The following PPP1CB variants were observed in gnomAD, a reference collection of about 807,000 sequenced individuals.
PPP1CB encodes the protein serine/threonine-protein phosphatase PP1-beta catalytic subunit.
PPP1CB carries 2 observed loss-of-function variants against 43.7 expected under a neutral mutation model. The ratio of observed to expected loss-of-function variants is 0.05; its 90% CI spans 0.02 to 0.14. PPP1CB has a LOEUF of 0.14. PPP1CB is among the 10% of genes least tolerant of loss of function. PPP1CB has a pLI of 1.00. For missense variants in PPP1CB, 84 were observed against 398.0 expected (o/e 0.21, Z 6.71); for synonymous variants, 136 against 135.6 (o/e 1.00, Z -0.02).
At chr2:28,789,592 GATTTTT>G (rs1385155666) in intron 6 of PPP1CB, among the ~76,000 whole-genome samples, 1 of 131,166 alleles carries the variant, frequency 7.6e-6, no homozygotes, top group African/African-American at 2.9e-5. Flanking sequence ...ATATGATTTA[GATTTTT>G]TTTTTTTTTT....
chr2:28,775,361 G>A (rs1225767549), intron 1 of PPP1CB, among the ~76,000 whole-genome samples: 1 of 152,084 alleles, frequency 6.6e-6, no homozygotes, highest in Non-Finnish European at 1.5e-5. Context: ...CACCCACCTT[G>A]GCCTCCCAAT....
chr2:28,776,109 A>G (rs370335936), intron 1 of PPP1CB, among the ~76,000 whole-genome samples: 3 of 151,826 alleles, frequency 2.0e-5, no homozygotes, highest in South Asian at 2.1e-4. Flanking sequence ...GACAATTACT[A>G]TTTAATCTCC....
intron 1 of PPP1CB, among the ~76,000 whole-genome samples, chr2:28,765,810 A>T (rs963653198): frequency 6.6e-6 from 1 of 152,210 alleles, no homozygotes; most frequent in Admixed American, 6.5e-5. Context: ...GCTACTTGGG[A>T]GGCTGAGGCA....
In PPP1CB at chr2:28,780,601, G is replaced by T. The variant is rs560340314; in HGVS notation, c.416-1137G>T. On this transcript the variant is annotated intron_variant, in intron 3 of 7. Coordinates refer to ENST00000395366, the MANE Select transcript of PPP1CB (RefSeq NM_002709.3). ...AAAAGATAGGCAAGAATGTCTTTGG[G>T]GATAGAAATGACATCAAATGAAATA... Among the ~76,000 whole-genome samples, 998 of 152,226 alleles carry T rather than the reference G, an allele frequency of 6.6e-3. 8 individuals are homozygous for T. The highest frequency in any genetic ancestry group is 0.023 in the African/African-American group (949 of 41,526).
In PPP1CB at chr2:28,783,994, A is replaced by C. The variant is rs1192425839; in HGVS notation, c.592+16A>C. 6.4e-7 allele frequency: 1 copy of C among 1,570,996 alleles called. No homozygotes were observed. The highest frequency in any genetic ancestry group is 1.4e-5 in the African/African-American group (1 of 73,966). ...CCTGATACAGGTAAGTGTAGAGAGA[A>C]GTTTAATTGTTTTGTGTAAAGTGTT... On this transcript the variant is annotated intron_variant, in intron 5 of 7. Coordinates refer to ENST00000395366, the MANE Select transcript of PPP1CB (RefSeq NM_002709.3).
intron 1 of PPP1CB, among the ~76,000 whole-genome samples, chr2:28,767,181 T>A (rs1355742753): frequency 6.6e-6 from 1 of 152,248 alleles, no homozygotes; most frequent in African/African-American, 2.4e-5. Flanking sequence ...TGACTTAACT[T>A]GGCTAACAAA....
At chr2:28,793,287 T>C (rs958708853) in intron 6 of PPP1CB, among the ~76,000 whole-genome samples, 5 of 152,200 alleles carry the variant, frequency 3.3e-5, no homozygotes, top group African/African-American at 1.2e-4. Flanking sequence ...AAACTCAACT[T>C]AGTAATGTTT....
At chr2:28,769,950 G>A (rs1052396433) in intron 1 of PPP1CB, among the ~76,000 whole-genome samples, 4 of 152,038 alleles carry the variant, frequency 2.6e-5, no homozygotes, top group African/African-American at 7.2e-5. Context: ...ACTCAACTTC[G>A]TCGATGATTA....
chr2:28,790,532 G>A (rs1197629872), intron 6 of PPP1CB, among the ~76,000 whole-genome samples: 3 of 152,006 alleles, frequency 2.0e-5, no homozygotes, highest in Non-Finnish European at 4.4e-5. Context: ...TAGAGACGGG[G>A]TTTCACTATA....
chr2:28,781,735 C>T lies in PPP1CB; in HGVS notation c.416-3C>T, dbSNP rs201449923. 203 of 1,588,298 alleles carry T rather than the reference C, an allele frequency of 1.3e-4. No homozygotes were observed. The highest frequency in any genetic ancestry group is 1.7e-4 in the Middle Eastern group (1 of 5,998). Reference sequence around the variant, plus strand: ...TAATTTATTCTATCTGTTCTTTTTACAGGCAAACGAAGATTTAATATTAAA... The same window carrying T: ...TAATTTATTCTATCTGTTCTTTTTATAGGCAAACGAAGATTTAATATTAAA... On this transcript the variant is annotated splice_polypyrimidine_tract_variant and splice_region_variant and intron_variant, in intron 3 of 7. Coordinates refer to ENST00000395366, the MANE Select transcript of PPP1CB (RefSeq NM_002709.3).
intron 7 of PPP1CB, among the ~76,000 whole-genome samples, chr2:28,798,757 T>C (rs145105815): frequency 6.6e-6 from 1 of 152,046 alleles, no homozygotes; most frequent in Admixed American, 6.6e-5. Context: ...GTTCTAAAAT[T>C]AGATTTATAT....
At position 28,778,793 on chromosome 2, in the gene PPP1CB, CTCTT is replaced by C. The variant is rs770165951; in HGVS notation, c.185-12_185-9del. 1.4e-5 allele frequency: 21 copies of C among 1,517,508 alleles called. No individual in the cohort carries two copies. The highest frequency in any genetic ancestry group is 1.8e-4 in the Middle Eastern group (1 of 5,518). 94.0% of individuals were successfully genotyped at this position (1,517,508 alleles called of 1,614,324 possible). On this transcript the variant is annotated splice_polypyrimidine_tract_variant and intron_variant, in intron 2 of 7. Transcript: ENST00000395366. ...CAGTAACCAATTTTTCTAAAACTGA[CTCTT>C]TCTCTTTTTAGGAGATATTCATGGA...
At chr2:28,777,003 G>A (rs1262629156) in intron 2 of PPP1CB, 21 bp downstream of exon 2, 3 of 1,605,260 alleles carry the variant, frequency 1.9e-6, no homozygotes, top group Middle Eastern at 3.3e-4. Context: ...GGGTAAAGTT[G>A]GAAACAACTC....
chr2:28,767,880 A>G (rs1041573689), intron 1 of PPP1CB, among the ~76,000 whole-genome samples: 3 of 152,324 alleles, frequency 2.0e-5, no homozygotes, highest in African/African-American at 7.2e-5. Flanking sequence ...TTTGCTGAAT[A>G]CTGGTGTAGT....
Position 28,760,553 on chromosome 2 carries a change from A to C in PPP1CB, c.52+8377A>C, listed in dbSNP as rs1178087577. Reference sequence around the variant, plus strand: ...CACTCTGTGATGTTTGCACAACAACAAAATCACCTCACTGTGCATCTCTCA... The same window carrying C: ...CACTCTGTGATGTTTGCACAACAACCAAATCACCTCACTGTGCATCTCTCA... On this transcript the variant is annotated intron_variant, in intron 1 of 7. Transcript: ENST00000395366. Among the ~76,000 whole-genome samples, 3 of 152,224 alleles carry C rather than the reference A, an allele frequency of 2.0e-5. No homozygotes were observed. The South Asian group carries it at 6.2e-4, about 31-fold the overall frequency.
chr2:28,793,529 A>G (rs1419616679), intron 6 of PPP1CB, among the ~76,000 whole-genome samples: 3 of 152,098 alleles, frequency 2.0e-5, no homozygotes, highest in African/African-American at 7.3e-5. Context: ...CTTAAAAACA[A>G]AAAAAGTACT....
chr2:28,755,540 GC>G (rs1390277124), intron 1 of PPP1CB, among the ~76,000 whole-genome samples: 1 of 152,164 alleles, frequency 6.6e-6, no homozygotes, highest in Non-Finnish European at 1.5e-5. Flanking sequence ...CATTCTTGTG[GC>G]TTACCATAGT....
intron 1 of PPP1CB, among the ~76,000 whole-genome samples, chr2:28,770,381 AGGG>A (rs113131889): frequency 8.0e-5 from 8 of 99,410 alleles, no homozygotes; most frequent in African/African-American, 2.8e-4. Context: ...AGTAAAAAAA[AGGG>A]GGGGGGGAGG....
At chr2:28,767,087 A>C (rs974619506) in intron 1 of PPP1CB, among the ~76,000 whole-genome samples, 1 of 152,150 alleles carries the variant, frequency 6.6e-6, no homozygotes. Context: ...TCTCAAAAAA[A>C]AAAAAAAGTT....
Sources: gnomAD v4.1 joint callset for allele counts (sites outside exome capture counted in the v4.1 genomes callset) on GRCh38, gnomAD v4.1.1 for gene constraint, MANE v1.5 for transcripts, NCBI Gene and HGNC (gene_info 2026-07-23, HGNC 2026-07-21) for gene names.